The following ROR1 variants were observed in gnomAD, a reference collection of about 807,000 sequenced individuals.
ROR1 encodes inactive tyrosine-protein kinase transmembrane receptor ROR1.
In ROR1, 19 loss-of-function variants were observed where a neutral mutation model predicts 78.8. That is an observed-to-expected ratio of 0.24 (90% CI 0.17 to 0.35). The LOEUF (loss-of-function observed/expected upper bound fraction) is 0.35, where lower values mean the gene tolerates loss of function less well. ROR1 is among the 10% of genes least tolerant of loss of function. The probability of loss-of-function intolerance (pLI) is 1.00; values close to 1 mark genes in which losing one functional copy is unlikely to be tolerated. For synonymous variants in ROR1, 386 were observed against 433.6 expected, an observed-to-expected ratio of 0.89 and a Z score of 1.36; for missense variants, 917 against 1,177.8, an observed-to-expected ratio of 0.78 and a Z score of 3.24.
At chr1:64,084,739 C>A (rs958206294) in intron 4 of ROR1, among the ~76,000 whole-genome samples, 1 of 149,638 alleles carries the variant, frequency 6.7e-6, no homozygotes, top group Non-Finnish European at 1.5e-5. Flanking sequence ...CTGTTAATTA[C>A]CCCCCAAACT....
intron 1 of ROR1, among the ~76,000 whole-genome samples, chr1:63,834,221 G>A (rs1401835581): frequency 4.0e-5 from 6 of 151,868 alleles, no homozygotes; most frequent in Admixed American, 3.3e-4. Flanking sequence ...AGGGATGGCA[G>A]GATCTGCTTC....
rs778558577 is a variant in ROR1 at position 64,049,738 on chromosome 1, C to G, written c.211C>G (p.Leu71Val). 6.8e-5 allele frequency: 110 copies of G among 1,613,948 alleles called. No individual in the cohort carries two copies. The highest frequency in any genetic ancestry group is 9.2e-5 in the Non-Finnish European group (108 of 1,179,974). ...DEPMNNITTS[L>V]GQTAELHCKV... is the part of the protein sequence containing the mutation. ...ACCAATGAATAACATCACCACGTCT[C>G]TGGGCCAGACAGCAGAACTGCACTG... The change falls in exon 3 of 9, where the codon CTG becomes GTG. Residue 71 changes from leucine (L) to valine (V), a missense_variant. This residue lies in a region of ROR1 where 19 missense variants were observed against 50.9 expected (regional missense o/e 0.37). Transcript: ENST00000371079.
At chr1:63,900,769 A>G (rs1284287140) in intron 1 of ROR1, among the ~76,000 whole-genome samples, 1 of 152,174 alleles carries the variant, frequency 6.6e-6, no homozygotes, top group Non-Finnish European at 1.5e-5. Context: ...ATATTAATTT[A>G]ACATCTTGCT....
At chr1:64,161,379 G>C (rs779487766) in intron 8 of ROR1, among the ~76,000 whole-genome samples, 6 of 152,316 alleles carry the variant, frequency 3.9e-5, no homozygotes, top group African/African-American at 1.4e-4. Flanking sequence ...AGTTGGGAAG[G>C]AGGAGGGAGG....
chr1:64,144,056 C>T (rs964060050), intron 7 of ROR1, among the ~76,000 whole-genome samples: 3 of 151,962 alleles, frequency 2.0e-5, no homozygotes, highest in African/African-American at 4.8e-5. Context: ...GAGTGGAAGA[C>T]GGAGGGACAC....
chr1:63,839,944 C>T (rs1645039644), intron 1 of ROR1, among the ~76,000 whole-genome samples: 1 of 152,098 alleles, frequency 6.6e-6, no homozygotes, highest in Non-Finnish European at 1.5e-5. Flanking sequence ...TATATCTCAT[C>T]AGTCTGTTAC....
At chr1:64,114,360 G>T (rs186855820) in intron 4 of ROR1, among the ~76,000 whole-genome samples, 8 of 152,298 alleles carry the variant, frequency 5.3e-5, no homozygotes, top group African/African-American at 1.7e-4. Context: ...AGAAGCAAAA[G>T]CTCAAAGGCT....
At chr1:64,009,220 T>A in intron 1 of ROR1, 85 bp from the exon 2 acceptor site, 1 of 1,024,110 alleles carries the variant, frequency 9.8e-7, no homozygotes, top group Admixed American at 1.7e-5. Context: ...CCTTTGGAAA[T>A]CTCCTCTAAT....
At chr1:63,854,565 A>G (rs1028631226) in intron 1 of ROR1, among the ~76,000 whole-genome samples, 4 of 152,202 alleles carry the variant, frequency 2.6e-5, no homozygotes, top group Non-Finnish European at 5.9e-5. Flanking sequence ...TCCTACAACA[A>G]TCCGAACGTA....
intron 1 of ROR1, among the ~76,000 whole-genome samples, chr1:63,824,820 T>C (rs1402287521): frequency 1.3e-5 from 2 of 152,214 alleles, no homozygotes. Flanking sequence ...AATATTTTGA[T>C]GTGTCTTTTT....
At position 64,178,671 on chromosome 1, in the gene ROR1, A is replaced by G. The variant is rs1650462855; in HGVS notation, c.2630A>G (p.Asn877Ser). 1.2e-6 allele frequency: 2 copies of G among 1,614,032 alleles called. No homozygotes were observed. Among genetic ancestry groups the G allele is most frequent in the African/African-American group, 1.3e-5 (1 of 74,908 alleles). The change falls in exon 9 of 9, where the codon AAT becomes AGT. Residue 877 changes from asparagine (N) to serine (S), a missense_variant. By Grantham distance (46) the Asn-to-Ser change is conservative (BLOSUM62 1). Transcript: ENST00000371079. This position sits in a 1 kb window ranked among gnomAD's most constrained non-coding sequence, Gnocchi z 4.3. ...ACTAGCTTGCCCTCATCAGGATCCA[A>G]TCAGGAAGCAAATATTCCTTTACTA... The part of the protein sequence containing the change: ...HVTSLPSSGS[N>S]QEANIPLLPH...
rs1029770192 is a variant in ROR1, at chr1:63,897,603, T to C, written c.92-111702T>C. ...CTTTAAGCTATGTCTTCCATAAATA[T>C]TTTTTGAACACCTACTGTGGAGCTA... On this transcript the variant is annotated intron_variant, in intron 1 of 8. Transcript: ENST00000371079. Among the ~76,000 whole-genome samples, 169 of 152,324 alleles carry C rather than the reference T, an allele frequency of 1.1e-3. 3 individuals are homozygous for C. Among genetic ancestry groups the C allele is most frequent in the African/African-American group, 3.9e-3 (161 of 41,576 alleles).
At chr1:63,824,323 T>A (rs938763185) in intron 1 of ROR1, among the ~76,000 whole-genome samples, 8 of 152,242 alleles carry the variant, frequency 5.3e-5, no homozygotes, top group Non-Finnish European at 7.3e-5. Context: ...AGATAATTTG[T>A]AAACAAATGA....
At chr1:64,021,133 A>G (rs995953231) in intron 2 of ROR1, among the ~76,000 whole-genome samples, 1 of 151,576 alleles carries the variant, frequency 6.6e-6, no homozygotes, top group African/African-American at 2.4e-5. Context: ...ATTGCTGCAA[A>G]TAACTCATGA....
chr1:63,957,726 CT>C (rs1201850103), intron 1 of ROR1, among the ~76,000 whole-genome samples: 1 of 151,038 alleles, frequency 6.6e-6, no homozygotes, highest in East Asian at 1.9e-4. Flanking sequence ...ATTGATAACC[CT>C]TTTTTTGTTT....
chr1:63,878,379 C>T (rs571424254), intron 1 of ROR1, among the ~76,000 whole-genome samples: 1 of 152,166 alleles, frequency 6.6e-6, no homozygotes, highest in Non-Finnish European at 1.5e-5. Flanking sequence ...GGAAATAAAC[C>T]TAATTGTTAT....
chr1:64,050,562 C>A, intron 3 of ROR1, 124 bp from the exon 4 acceptor site: 1 of 939,948 alleles, frequency 1.1e-6, no homozygotes, highest in Non-Finnish European at 1.7e-6. Flanking sequence ...CAATAAATTC[C>A]AGAAAAATAA....
At chr1:64,032,493 T>C (rs1353626882) in intron 2 of ROR1, among the ~76,000 whole-genome samples, 1 of 152,144 alleles carries the variant, frequency 6.6e-6, no homozygotes, top group Non-Finnish European at 1.5e-5. Context: ...TTTGGAATAA[T>C]GTAGCCCATT....
chr1:64,026,359 G>A (rs1289249201), intron 2 of ROR1, among the ~76,000 whole-genome samples: 1 of 152,138 alleles, frequency 6.6e-6, no homozygotes, highest in Non-Finnish European at 1.5e-5. Context: ...CTAACTTTGA[G>A]ACAGACAAAG....
Sources: gnomAD v4.1 joint callset for allele counts (sites outside exome capture counted in the v4.1 genomes callset) on GRCh38, gnomAD v4.1.1 for gene constraint, gnomAD v4.1.1 regional missense constraint, Gnocchi (gnomAD v3.1) non-coding constraint, MANE v1.5 for transcripts, NCBI Gene and HGNC (gene_info 2026-07-23, HGNC 2026-07-21) for gene names.